The following OR6C1 variants were observed in gnomAD, a reference collection of about 807,000 sequenced individuals.
OR6C1 encodes olfactory receptor family 6 subfamily C member 1.
For missense variants in OR6C1, 386 were observed against 366.1 expected, an observed-to-expected ratio of 1.05 and a Z score of -0.44; for synonymous variants, 157 against 133.3, an observed-to-expected ratio of 1.18 and a Z score of -1.22.
intron 1 of OR6C1, among the ~76,000 whole-genome samples, chr12:55,318,706 C>A: frequency 6.7e-6 from 1 of 148,628 alleles, no homozygotes; most frequent in African/African-American, 2.5e-5. Flanking sequence ...TATAAGTAAG[C>A]TAATATATAT....
chr12:55,316,316 G>A (rs1868410436), intron 1 of OR6C1, among the ~76,000 whole-genome samples: 2 of 151,900 alleles, frequency 1.3e-5, no homozygotes, highest in African/African-American at 4.8e-5. Context: ...TGATGGCAGA[G>A]CAAGATATAG....
chr12:55,316,875 GTC>G (rs1265643865), intron 1 of OR6C1, among the ~76,000 whole-genome samples: 1 of 151,596 alleles, frequency 6.6e-6, no homozygotes, highest in Non-Finnish European at 1.5e-5. Context: ...TTTTTGTGAA[GTC>G]TCTCATGAAC....
At chr12:55,318,010 T>C (rs1252179086) in intron 1 of OR6C1, among the ~76,000 whole-genome samples, 2 of 148,202 alleles carry the variant, frequency 1.3e-5, no homozygotes, top group African/African-American at 5.0e-5. Context: ...TACACACACA[T>C]AAATACACAC....
rs1443412082 is a variant in OR6C1, at chr12:55,322,024, T to C, written c.*486T>C. The C allele has an allele frequency of 6.6e-6, 1 of 152,200 alleles. No individual in the cohort carries two copies. The highest frequency in any genetic ancestry group is 1.5e-5 in the Non-Finnish European group (1 of 68,094). The allele number at this position is 152,200 out of a possible 1,614,324, so 9.4% of individuals were successfully genotyped here. On this transcript the variant is annotated 3_prime_UTR_variant, in exon 2 of 2. Transcript: ENST00000642104. ...ATTTGAAAAGCAAAAAAAAATTTCATTACTCATTTTAATTAGGTATGTTGG... is the reference window on the plus strand; with the variant it reads ...ATTTGAAAAGCAAAAAAAAATTTCACTACTCATTTTAATTAGGTATGTTGG...
At chr12:55,317,945 A>ATATATATATATATTATATATATATG (rs1289025105) in intron 1 of OR6C1, among the ~76,000 whole-genome samples, 10 of 142,742 alleles carry the variant, frequency 7.0e-5, no homozygotes, top group African/African-American at 2.8e-4. Context: ...ATATATATGT[A>ATATATATATATATTATATATATATG]TATATATACA....
In OR6C1 at chr12:55,321,340, C is replaced by T. The variant is rs1212804057; in HGVS notation, c.741C>T (p.Ser247=). 6.8e-6 allele frequency: 11 copies of T among 1,613,674 alleles called. No homozygotes were observed. Among genetic ancestry groups the T allele is most frequent in the Non-Finnish European group, 9.3e-6 (11 of 1,179,658 alleles). ...STCSSHMVVV[S]ISYGSCIFMY... The stretch of plus-strand genomic sequence containing the variant: ...GTTCTTCCCACATGGTTGTTGTCTC[C>T]ATCTCTTATGGCAGCTGCATTTTTA... Residue 247 remains serine (S), a synonymous_variant, in exon 2 of 2, where the codon TCC becomes TCT. Transcript: ENST00000642104.
chr12:55,320,109 C>G (rs1315957286), intron 1 of OR6C1, among the ~76,000 whole-genome samples: 1 of 152,112 alleles, frequency 6.6e-6, no homozygotes, highest in Non-Finnish European at 1.5e-5. Context: ...CCAGTGCACT[C>G]CAGCCTGGGT....
Position 55,321,708 on chromosome 12 carries a change from T to G in OR6C1, c.*170T>G, listed in dbSNP as rs768387374. 4 of 436,288 alleles carry G rather than the reference T, an allele frequency of 9.2e-6. No individual in the cohort carries two copies. The highest frequency in any genetic ancestry group is 1.2e-5 in the Non-Finnish European group (3 of 251,296). 27.0% of individuals were successfully genotyped at this position (436,288 alleles called of 1,614,324 possible). On this transcript the variant is annotated 3_prime_UTR_variant, in exon 2 of 2. Transcript: ENST00000642104. ...CTCATTTGACTTAAAATAATTTTCT[T>G]GTGTCTTCCTGACACCCCCTCCTTT... is the stretch of plus-strand genomic sequence containing the variant.
chr12:55,316,259 C>T (rs917631156), intron 1 of OR6C1, among the ~76,000 whole-genome samples: 2 of 151,562 alleles, frequency 1.3e-5, no homozygotes, highest in Non-Finnish European at 3.0e-5. Context: ...CAAATAACTG[C>T]CAATATTTAA....
intron 1 of OR6C1, among the ~76,000 whole-genome samples, chr12:55,320,144 A>G (rs550407028): frequency 2.0e-3 from 303 of 152,310 alleles, no homozygotes; most frequent in African/African-American, 7.1e-3. Context: ...CCACCTCAAA[A>G]AAAAACAACC....
In OR6C1 at chr12:55,321,409, G is replaced by C; in HGVS notation, c.810G>C (p.Lys270Asn). 1 of 1,613,914 alleles carries C rather than the reference G, an allele frequency of 6.2e-7. No homozygotes were observed. ...PSAKDRVSLS[K>N]GVAILNTSVA... Reference sequence around the variant, plus strand: ...CAAAAGATAGAGTGTCCTTGAGCAAGGGAGTGGCAATACTAAACACCTCAG... The same window carrying C: ...CAAAAGATAGAGTGTCCTTGAGCAACGGAGTGGCAATACTAAACACCTCAG... Residue 270 changes from lysine (K) to asparagine (N), a missense_variant, in exon 2 of 2, where the codon AAG becomes AAC. Lys to Asn is a moderately conservative substitution (Grantham distance 94). Transcript: ENST00000642104.
chr12:55,316,598 G>A (rs541058223), intron 1 of OR6C1, among the ~76,000 whole-genome samples: 6 of 151,824 alleles, frequency 4.0e-5, no homozygotes, highest in Non-Finnish European at 5.9e-5. Context: ...ATATGAATAC[G>A]TCCTGAGATC....
chr12:55,320,973 G>A lies in OR6C1; in HGVS notation c.374G>A (p.Cys125Tyr). The A allele has an allele frequency of 6.2e-7, 1 of 1,613,942 alleles. No homozygotes were observed. Among genetic ancestry groups the A allele is most frequent in the South Asian group, 1.1e-5 (1 of 91,066 alleles). Residue 125 changes from cysteine to tyrosine, a missense_variant, in exon 2 of 2, where the codon TGC becomes TAC. By Grantham distance (194) the Cys-to-Tyr change is radical. Transcript: ENST00000642104. ...TCCTATGACCGCTATGTGGCCATCT[G>A]CAAGCCTCTGCATTGCTTGAGTATC... ...AMSYDRYVAI[C>Y]KPLHCLSIMN...
At chr12:55,316,096 TACACACAC>T (rs35664107) in intron 1 of OR6C1, among the ~76,000 whole-genome samples, 160 of 140,992 alleles carry the variant, frequency 1.1e-3, no homozygotes, top group African/African-American at 3.9e-3. Flanking sequence ...AAAAAGTACA[TACACACAC>T]ACACACACAC....
intron 1 of OR6C1, among the ~76,000 whole-genome samples, chr12:55,315,246 A>C (rs1404921991): frequency 2.0e-5 from 3 of 151,686 alleles, no homozygotes; most frequent in Non-Finnish European, 1.5e-5. Context: ...CCAAAGTCAC[A>C]AATCCATTAA....
intron 1 of OR6C1, among the ~76,000 whole-genome samples, chr12:55,319,791 A>G (rs1592262454): frequency 6.6e-6 from 1 of 152,076 alleles, no homozygotes; most frequent in South Asian, 2.1e-4. Flanking sequence ...GACAAAAATG[A>G]CCCAACCCAA....
intron 1 of OR6C1, among the ~76,000 whole-genome samples, chr12:55,318,398 C>T: frequency 6.6e-6 from 1 of 151,678 alleles, no homozygotes; most frequent in East Asian, 1.9e-4. Flanking sequence ...GACTTTTTTC[C>T]TATTGCTTTG....
At chr12:55,319,147 GAAATAT>G (rs1443588614) in intron 1 of OR6C1, among the ~76,000 whole-genome samples, 8 of 152,106 alleles carry the variant, frequency 5.3e-5, no homozygotes, top group Admixed American at 5.2e-4. Context: ...GAAATATCAT[GAAATAT>G]CATGAAATAT....
Position 55,320,666 on chromosome 12 carries a change from G to A in OR6C1, c.67G>A (p.Val23Ile), listed in dbSNP as rs756556850. 5 of 1,613,712 alleles carry A rather than the reference G, an allele frequency of 3.1e-6. No homozygotes were observed. The highest frequency in any genetic ancestry group is 2.2e-5 in the South Asian group (2 of 91,072). Reference sequence around the variant, plus strand: ...ATTAACAGATGACCCAAATTTTCAGGTTGTAATCTTTGTCTTCCTGCTCAT... The same window carrying A: ...ATTAACAGATGACCCAAATTTTCAGATTGTAATCTTTGTCTTCCTGCTCAT... ...LGLTDDPNFQ[V>I]VIFVFLLITY... Residue 23 changes from valine (V) to isoleucine (I), a missense_variant, in exon 2 of 2, where the codon GTT becomes ATT. Physicochemically the swap from Val to Ile is conservative, Grantham distance 29. Transcript: ENST00000642104.
Sources: gnomAD v4.1 joint callset for allele counts (sites outside exome capture counted in the v4.1 genomes callset) on GRCh38, gnomAD v4.1.1 for gene constraint, MANE v1.5 for transcripts, NCBI Gene and HGNC (gene_info 2026-07-23, HGNC 2026-07-21) for gene names.